The following ZC3H13 variants were observed in gnomAD, a reference collection of about 807,000 sequenced individuals.
The protein encoded by ZC3H13 is zinc finger CCCH-type containing 13.
ZC3H13 carries 64 observed loss-of-function variants against 204.1 expected under a neutral mutation model. The observed-to-expected ratio is 0.31, with a 90% CI of 0.26 to 0.39. The LOEUF (loss-of-function observed/expected upper bound fraction) is 0.39. Among genes scored for constraint, ZC3H13 ranks in the 10% least tolerant of loss-of-function variants. The probability of loss-of-function intolerance (pLI) is 1.00; values close to 1 mark genes in which losing one functional copy is unlikely to be tolerated. For missense variants in ZC3H13, 1,833 were observed against 2,082.7 expected (o/e 0.88, Z 2.33); for synonymous variants, 667 against 693.7 (o/e 0.96, Z 0.60).
At chr13:45,967,422 C>A (rs1490334208) in intron 15 of ZC3H13, 82 bp downstream of exon 15, 16 of 1,461,350 alleles carry the variant, frequency 1.1e-5, no homozygotes, top group Non-Finnish European at 1.5e-5. Flanking sequence ...TTAGTGGGTG[C>A]CCTTTCAAAA....
In ZC3H13 at chr13:45,968,879, C is replaced by T. The variant is rs139968816; in HGVS notation, c.3665G>A (p.Ser1222Asn). The change falls in exon 14 of 19, where the codon AGT becomes AAT. Residue 1222 changes from serine to asparagine, a missense_variant. By Grantham distance (46) the Ser-to-Asn change is conservative. Around this residue, in one of 5 missense-constraint regions of ZC3H13, gnomAD observed 1,574 missense variants for 1,757.2 expected, o/e 0.90. Coordinates refer to ENST00000679008, the MANE Select transcript of ZC3H13 (RefSeq NM_001330564.2). ...ACTGTGCAGTACTCTCTTTCGACCA[C>T]TTTGGTCATCTCCACTTCGATGGGC... ...DSAHRSGDDQ[S>N]GRKRVLHSGS... 307 of 1,614,152 alleles carry T rather than the reference C, an allele frequency of 1.9e-4. 1 individual carries two copies. The African/African-American group carries it at 3.6e-3, about 19-fold the overall frequency.
intron 17 of ZC3H13, chr13:45,962,045 C>A (rs1211052138): frequency 2.2e-6 from 1 of 446,916 alleles, no homozygotes; most frequent in Non-Finnish European, 3.0e-6. Context: ...TGTTGGTACA[C>A]TTGAATAGAC....
Position 45,969,248 on chromosome 13 carries a change from G to C in ZC3H13, c.3296C>G (p.Ser1099Cys). 1 of 1,614,080 alleles carries C rather than the reference G, an allele frequency of 6.2e-7. No homozygotes were observed. The highest frequency in any genetic ancestry group is 8.5e-7 in the Non-Finnish European group (1 of 1,180,020). ...CACAGGCGGTGGAGGAGGAAGAAGA[G>C]AAGATAGAGGAGAAGGGGTACTACC... Reference protein sequence around the residue: ...TPGSTPSPLSSLLPPPPPVAT... With the variant: ...TPGSTPSPLSCLLPPPPPVAT... Residue 1099 changes from serine to cysteine, a missense_variant, in exon 14 of 19, where the codon TCT (serine) becomes TGT (cysteine). By Grantham distance (112) the Ser-to-Cys change is moderately radical (BLOSUM62 -1). Coordinates refer to ENST00000679008, the MANE Select transcript of ZC3H13 (RefSeq NM_001330564.2).
rs747472586 is a variant in ZC3H13 at position 46,042,292 on chromosome 13, AGAAACAAAACAAAAAAC to A, written c.228-34_228-18del. ...TCTGGTGACCTTTGAACCAAAACACAGAAACAAAACAAAAAACGAAACAAAACAACAAAAATCTGTAT... is the reference window on the plus strand; with the variant it reads ...TCTGGTGACCTTTGAACCAAAACACAGAAACAAAACAACAAAAATCTGTAT... On this transcript the variant is annotated intron_variant, in intron 3 of 18. Transcript: ENST00000679008. 7 of 1,584,552 alleles carry A rather than the reference AGAAACAAAACAAAAAAC, an allele frequency of 4.4e-6. No individual in the cohort carries two copies. Among genetic ancestry groups the A allele is most frequent in the Middle Eastern group, 1.7e-4 (1 of 6,002 alleles).
At chr13:46,004,215 T>G (rs1158560786) in intron 7 of ZC3H13, among the ~76,000 whole-genome samples, 1 of 151,984 alleles carries the variant, frequency 6.6e-6, no homozygotes, top group Non-Finnish European at 1.5e-5. Flanking sequence ...TTTCAAATAT[T>G]GAACATAGAC....
At chr13:46,029,430 T>C (rs926246153) in intron 4 of ZC3H13, among the ~76,000 whole-genome samples, 9 of 148,142 alleles carry the variant, frequency 6.1e-5, no homozygotes, top group Admixed American at 1.3e-4. Flanking sequence ...ACTACTTCTT[T>C]TTTTTTTTTT....
At chr13:46,034,074 C>A (rs2043063831) in intron 4 of ZC3H13, among the ~76,000 whole-genome samples, 1 of 152,050 alleles carries the variant, frequency 6.6e-6, no homozygotes, top group African/African-American at 2.4e-5. Context: ...AGATGTTCAA[C>A]ATCACTAACC....
intron 10 of ZC3H13, among the ~76,000 whole-genome samples, chr13:45,980,849 T>C (rs1953519598): frequency 6.6e-6 from 1 of 152,148 alleles, no homozygotes; most frequent in Admixed American, 6.5e-5. Context: ...GCTACACATA[T>C]GATAAAACTA....
chr13:45,993,859 A>G (rs2040141964), intron 8 of ZC3H13, among the ~76,000 whole-genome samples: 1 of 152,208 alleles, frequency 6.6e-6, no homozygotes, highest in Non-Finnish European at 1.5e-5. Flanking sequence ...TAAATACATA[A>G]TGATACTTGT....
At chr13:45,999,960 A>AAACAGTAGTATTTTG (rs2040620001) in intron 8 of ZC3H13, among the ~76,000 whole-genome samples, 1 of 152,212 alleles carries the variant, frequency 6.6e-6, no homozygotes, top group African/African-American at 2.4e-5. Flanking sequence ...CATCATAAAC[A>AAACAGTAGTATTTTG]AACAGTAGTA....
At chr13:45,976,345 T>C in intron 11 of ZC3H13, 1 of 758,230 alleles carries the variant, frequency 1.3e-6, no homozygotes, top group Non-Finnish European at 1.6e-6. Context: ...AGTGCAGCTA[T>C]TATGTGAGGA....
At chr13:46,049,484 C>T (rs1227501817) in intron 1 of ZC3H13, among the ~76,000 whole-genome samples, 1 of 152,134 alleles carries the variant, frequency 6.6e-6, no homozygotes, top group Admixed American at 6.5e-5. Flanking sequence ...TTAAATATTA[C>T]TAATGAGACA....
intron 4 of ZC3H13, among the ~76,000 whole-genome samples, chr13:46,022,045 G>A (rs1193283667): frequency 2.0e-5 from 3 of 151,886 alleles, no homozygotes; most frequent in African/African-American, 4.8e-5. Context: ...TAGTGCTGGT[G>A]CTGCAAAATC....
At chr13:46,040,510 A>G (rs1180024153) in intron 4 of ZC3H13, among the ~76,000 whole-genome samples, 1 of 152,152 alleles carries the variant, frequency 6.6e-6, no homozygotes, top group African/African-American at 2.4e-5. Flanking sequence ...CATAGACGTA[A>G]ATCTTTGTGA....
Position 45,985,558 on chromosome 13 carries a change from T to C in ZC3H13, c.1459A>G (p.Arg487Gly). 1 of 1,614,142 alleles carries C rather than the reference T, an allele frequency of 6.2e-7. No homozygotes were observed. Among genetic ancestry groups the C allele is most frequent in the Non-Finnish European group, 8.5e-7 (1 of 1,180,026 alleles). The change falls in exon 10 of 19, where the codon AGA (arginine) becomes GGA (glycine). Residue 487 changes from arginine to glycine, a missense_variant. Coordinates refer to ENST00000679008, the MANE Select transcript of ZC3H13 (RefSeq NM_001330564.2). ...GGATCACGGCTCTCTTTGGTATCTC[T>C]GCTATAATCTCTCATCTCCCTTGAG... ...RDSREMRDYS[R>G]DTKESRDPRD...
At position 45,975,957 on chromosome 13, in the gene ZC3H13, C is replaced by T; in HGVS notation, c.1913-119G>A. ...GTCACACTGGCAACAAATTACAAAC[C>T]AAGTAGCATATTTAATTTTAACTTA... On this transcript the variant is annotated intron_variant, in intron 11 of 18. Coordinates refer to ENST00000679008, the MANE Select transcript of ZC3H13 (RefSeq NM_001330564.2). 4 of 1,408,454 alleles carry T rather than the reference C, an allele frequency of 2.8e-6. 1 individual carries two copies. The South Asian group carries it at 6.7e-5, about 23-fold the overall frequency. 87.2% of individuals were successfully genotyped at this position (1,408,454 alleles called of 1,614,324 possible). A position where few individuals can be genotyped will look rare whatever the true frequency, so the allele number is the denominator to read the frequency against.
At chr13:45,963,049 G>T in intron 17 of ZC3H13, 1 of 985,128 alleles carries the variant, frequency 1.0e-6, no homozygotes, top group Non-Finnish European at 1.2e-6. Flanking sequence ...TATTTATTGG[G>T]TATTACTATA....
At position 45,956,515 on chromosome 13, in the gene ZC3H13, G is replaced by A. The variant is rs1951283679; in HGVS notation, c.*612C>T. On this transcript the variant is annotated 3_prime_UTR_variant, in exon 19 of 19. Coordinates refer to ENST00000679008, the MANE Select transcript of ZC3H13 (RefSeq NM_001330564.2). ...TCTCTGATAACAAAAAAAGCATTTA[G>A]GGTCAAAAGACATCCAACATACATT... The A allele has an allele frequency of 6.6e-6, 1 of 151,928 alleles. No homozygotes were observed. The highest frequency in any genetic ancestry group is 2.4e-5 in the African/African-American group (1 of 41,368). The allele number at this position is 151,928 out of a possible 1,614,324, so 9.4% of individuals were successfully genotyped here. A position where few individuals can be genotyped will look rare whatever the true frequency, so the allele number is the denominator to read the frequency against.
chr13:46,038,252 C>T (rs998612741), intron 4 of ZC3H13, among the ~76,000 whole-genome samples: 1 of 152,164 alleles, frequency 6.6e-6, no homozygotes. Context: ...TTTAAAACTC[C>T]TTACAGTTCT....
Sources: gnomAD v4.1 joint callset for allele counts (sites outside exome capture counted in the v4.1 genomes callset) on GRCh38, gnomAD v4.1.1 for gene constraint, gnomAD v4.1.1 regional missense constraint, MANE v1.5 for transcripts, NCBI Gene and HGNC (gene_info 2026-07-23, HGNC 2026-07-21) for gene names.